The following MKLN1 variants were observed in gnomAD, a reference collection of about 807,000 sequenced individuals.
The protein encoded by MKLN1 is muskelin 1, also known as muskelin.
MKLN1 carries 18 observed loss-of-function variants against 99.0 expected under a neutral mutation model. That is an observed-to-expected ratio of 0.18 (90% confidence interval 0.13 to 0.27). The LOEUF (loss-of-function observed/expected upper bound fraction) is 0.27, where lower values mean the gene tolerates loss of function less well. Ranked by LOEUF, MKLN1 falls within the 10% of genes least tolerant of loss-of-function variation. The probability of loss-of-function intolerance (pLI) is 1.00; values close to 1 mark genes in which losing one functional copy is unlikely to be tolerated. For synonymous variants in MKLN1, 288 were observed against 293.2 expected (o/e 0.98, Z 0.18); for missense variants, 621 against 875.9 (o/e 0.71, Z 3.67).
chr7:131,259,075 C>T (rs919583442), intron 3 of MKLN1, among the ~76,000 whole-genome samples: 2 of 152,082 alleles, frequency 1.3e-5, no homozygotes, highest in African/African-American at 4.8e-5. Flanking sequence ...TGGGTTGAAA[C>T]TTCTTCTCCA....
chr7:131,459,740 T>TA lies in MKLN1; in HGVS notation c.1526-3467dup, dbSNP rs202056708. Among the ~76,000 whole-genome samples, 106 of 150,268 alleles carry TA rather than the reference T, an allele frequency of 7.1e-4. 1 individual carries two copies. The highest frequency in any genetic ancestry group is 2.1e-3 in the African/African-American group (88 of 40,946). On this transcript the variant is annotated intron_variant, in intron 12 of 17. Coordinates refer to ENST00000352689, the MANE Select transcript of MKLN1 (RefSeq NM_013255.5). ...TCTATATATCTACATGCCATCTTTT[T>TA]AAAAAAAAAACAACATAGATATATG...
chr7:131,117,885 T>C (rs1459990485), intron 1 of MKLN1, among the ~76,000 whole-genome samples: 2 of 152,188 alleles, frequency 1.3e-5, no homozygotes, highest in African/African-American at 4.8e-5. Context: ...TTGACTTCTC[T>C]CCCAAGATCA....
Position 131,360,823 on chromosome 7 carries a change from G to A in MKLN1, c.99-14601G>A, listed in dbSNP as rs181923013. ...GAACTGCTTTTAACATTTCTGCAAG[G>A]CATGTCTACTGGTAACAAATTCCTT... On this transcript the variant is annotated intron_variant, in intron 1 of 17. Transcript: ENST00000352689. Among the ~76,000 whole-genome samples the A allele has an allele frequency of 8.5e-5, 13 of 152,172 alleles. No homozygotes were observed. The East Asian group carries it at 2.5e-3, about 29-fold the overall frequency.
At chr7:131,134,738 C>G (rs1396942496) in intron 1 of MKLN1, among the ~76,000 whole-genome samples, 1 of 152,184 alleles carries the variant, frequency 6.6e-6, no homozygotes, top group East Asian at 1.9e-4. Context: ...GTGACTCAGA[C>G]CTTAATCCCT....
intron 2 of MKLN1, among the ~76,000 whole-genome samples, chr7:131,183,103 G>A (rs1406906245): frequency 6.6e-6 from 1 of 152,174 alleles, no homozygotes; most frequent in Non-Finnish European, 1.5e-5. Context: ...ACCCTCAAAG[G>A]AGCTGAATGT....
At chr7:131,476,060 TC>T (rs1452736174) in intron 16 of MKLN1, among the ~76,000 whole-genome samples, 1 of 152,110 alleles carries the variant, frequency 6.6e-6, no homozygotes, top group African/African-American at 2.4e-5. Flanking sequence ...AAACCATAGA[TC>T]ATCTTAGTAA....
At chr7:131,222,021 T>G (rs1467736313) in intron 3 of MKLN1, among the ~76,000 whole-genome samples, 1 of 152,096 alleles carries the variant, frequency 6.6e-6, no homozygotes, top group Non-Finnish European at 1.5e-5. Context: ...TTTTCCTACC[T>G]TAGCCTCTTG....
chr7:131,439,849 C>G (rs954223562), intron 10 of MKLN1, among the ~76,000 whole-genome samples: 1 of 149,984 alleles, frequency 6.7e-6, no homozygotes, highest in African/African-American at 2.5e-5. Context: ...TAATGGTAAT[C>G]AAGCAAAAAG....
At chr7:131,198,754 A>T (rs1796684581) in intron 2 of MKLN1, among the ~76,000 whole-genome samples, 2 of 152,246 alleles carry the variant, frequency 1.3e-5, no homozygotes, top group African/African-American at 4.8e-5. Context: ...TATTATTTTC[A>T]TGAATTATAA....
Position 131,275,534 on chromosome 7 carries a change from GATATAT to G in MKLN1, c.-179+72589_-179+72594del, listed in dbSNP as rs1166104066. 5.8e-3 allele frequency among the ~76,000 whole-genome samples: 83 copies of G among 14,244 alleles called. 7 individuals carry two copies. The highest frequency in any genetic ancestry group is 9.7e-3 in the East Asian group (4 of 414). The allele number at this position is 14,244 out of a possible 152,430, so 9.3% of individuals were successfully genotyped here. ...CAGGCATGCACTACAACGCCCAGCT[GATATAT>G]ATATATATATATATATATATATATA... On this transcript the variant is annotated intron_variant, in intron 3 of 7. Coordinates refer to the MKLN1 transcript ENST00000416992.
chr7:131,232,027 C>A (rs1036928872), intron 3 of MKLN1, among the ~76,000 whole-genome samples: 1 of 152,172 alleles, frequency 6.6e-6, no homozygotes. Flanking sequence ...AAAACACAAA[C>A]AAAAAATTCA....
intron 3 of MKLN1, among the ~76,000 whole-genome samples, chr7:131,291,094 CATTTT>C (rs146161248): frequency 7.0e-6 from 1 of 142,872 alleles, no homozygotes; most frequent in South Asian, 2.2e-4. Flanking sequence ...CCTTTTATCT[CATTTT>C]ATTTTATTTA....
intron 2 of MKLN1, among the ~76,000 whole-genome samples, chr7:131,186,753 G>C (rs1250382414): frequency 6.6e-6 from 1 of 152,220 alleles, no homozygotes; most frequent in African/African-American, 2.4e-5. Flanking sequence ...GGATGTAACT[G>C]TGCCTGGCCC....
chr7:131,381,572 A>G (rs1221396251), intron 2 of MKLN1, among the ~76,000 whole-genome samples: 1 of 152,196 alleles, frequency 6.6e-6, no homozygotes, highest in African/African-American at 2.4e-5. Flanking sequence ...AGCATAAGAA[A>G]TCTAAAATAA....
Position 131,218,585 on chromosome 7 carries a change from G to A in MKLN1, c.-179+15611G>A, listed in dbSNP as rs117518377. Among the ~76,000 whole-genome samples the A allele has an allele frequency of 3.7e-3, 563 of 152,284 alleles. 1 individual carries two copies. Among genetic ancestry groups the A allele is most frequent in the Non-Finnish European group, 6.4e-3 (435 of 68,002 alleles). ...TTAGTTATGCTACATTTCCTTCACTGTCGTAATTTTTGTATAGGTGGTTCC... is the reference window on the plus strand; with the variant it reads ...TTAGTTATGCTACATTTCCTTCACTATCGTAATTTTTGTATAGGTGGTTCC... On this transcript the variant is annotated intron_variant, in intron 3 of 7. Transcript: ENST00000416992.
chr7:131,471,048 A>C, intron 16 of MKLN1, 104 bp downstream of exon 16: 2 of 713,164 alleles, frequency 2.8e-6, no homozygotes, highest in South Asian at 3.7e-5. Flanking sequence ...AAAACGAAGA[A>C]AATATGATGA....
At chr7:131,143,338 G>A (rs193251174) in intron 2 of MKLN1, among the ~76,000 whole-genome samples, 1 of 152,222 alleles carries the variant, frequency 6.6e-6, no homozygotes, top group Admixed American at 6.5e-5. Flanking sequence ...ATGGTGGCAG[G>A]TGCCTGTAAT....
At chr7:131,379,589 G>A (rs1378082298) in intron 2 of MKLN1, among the ~76,000 whole-genome samples, 1 of 152,148 alleles carries the variant, frequency 6.6e-6, no homozygotes, top group Non-Finnish European at 1.5e-5. Flanking sequence ...TTTGAAGGTA[G>A]TATATTGAAA....
intron 9 of MKLN1, among the ~76,000 whole-genome samples, chr7:131,432,344 A>G (rs1198066720): frequency 6.6e-6 from 1 of 152,222 alleles, no homozygotes. Flanking sequence ...TTTATACCAT[A>G]TACATATGTT....
Sources: allele counts gnomAD v4.1 joint callset (sites outside exome capture counted in the v4.1 genomes callset), GRCh38; gene constraint gnomAD v4.1.1; transcripts MANE v1.5; gene names NCBI Gene and HGNC (gene_info 2026-07-23, HGNC 2026-07-21).